Variants in DHRSX observed in about 807,000 individuals in gnomAD.
DHRSX encodes polyprenol dehydrogenase.
A neutral mutation model predicts 34.0 loss-of-function variants in DHRSX; 31 were observed. The observed-to-expected ratio is 0.91, with a 90% CI of 0.69 to 1.23. The LOEUF (loss-of-function observed/expected upper bound fraction) is 1.23. DHRSX is among the 50% of genes most tolerant of loss of function. The pLI, the probability that DHRSX is intolerant of heterozygous loss-of-function variation, is 0.00. For synonymous variants in DHRSX, 201 were observed against 183.8 expected, an observed-to-expected ratio of 1.09 and a Z score of -0.76; for missense variants, 414 against 428.1, an observed-to-expected ratio of 0.97 and a Z score of 0.29.
At chrX:2,380,934 G>A (rs924461312) in intron 3 of DHRSX, among the ~76,000 whole-genome samples, 11 of 151,882 alleles carry the variant, frequency 7.2e-5, no homozygotes, top group East Asian at 1.9e-4. Context: ...GTGTGATCTC[G>A]GCTCACTGCA....
intron 3 of DHRSX, among the ~76,000 whole-genome samples, chrX:2,385,110 ATGTG>A (rs934167358): frequency 1.2e-3 from 172 of 146,608 alleles, no homozygotes; most frequent in African/African-American, 3.3e-3. Flanking sequence ...TCAAATATAT[ATGTG>A]TGTGTGTGTG....
chrX:2,282,857 G>GA (rs2124480828), intron 4 of DHRSX, among the ~76,000 whole-genome samples: 1 of 132,580 alleles, frequency 7.5e-6, no homozygotes, highest in Non-Finnish European at 1.6e-5. Context: ...AGAGAAGGGA[G>GA]AAGGGGAGAG....
At chrX:2,262,729 G>A (rs1431694574) in intron 5 of DHRSX, among the ~76,000 whole-genome samples, 1 of 152,196 alleles carries the variant, frequency 6.6e-6, no homozygotes, top group Non-Finnish European at 1.5e-5. Flanking sequence ...CAGCTGCCCG[G>A]AGAAGATGAA....
At chrX:2,500,745 C>T in intron 1 of DHRSX, 72 bp downstream of exon 1, 2 of 707,950 alleles carry the variant, frequency 2.8e-6, no homozygotes, top group Non-Finnish European at 3.5e-6. Context: ...GGAGCCCCCG[C>T]GCCCCCGCCC....
chrX:2,395,482 A>G (rs182150952), intron 3 of DHRSX, among the ~76,000 whole-genome samples: 27 of 152,170 alleles, frequency 1.8e-4, no homozygotes, highest in Non-Finnish European at 3.5e-4. Context: ...TTTTTCCCAT[A>G]GAGAGGCCGC....
intron 1 of DHRSX, among the ~76,000 whole-genome samples, chrX:2,443,712 A>T (rs916726495): frequency 6.6e-6 from 1 of 152,198 alleles, no homozygotes; most frequent in Admixed American, 6.5e-5. Flanking sequence ...GATGGTAAAA[A>T]AAAGAGCCAA....
rs1383691534 is a variant in DHRSX, at chrX:2,500,832, C to A, written c.94G>T (p.Gly32Cys). 1 of 1,141,632 alleles carries A rather than the reference C, an allele frequency of 8.8e-7. No homozygotes were observed. Among genetic ancestry groups the A allele is most frequent in the Non-Finnish European group, 1.1e-6 (1 of 927,844 alleles). 70.7% of individuals were successfully genotyped at this position (1,141,632 alleles called of 1,614,324 possible). The change falls in exon 1 of 7, where the codon GGC (glycine) becomes TGC (cysteine). Residue 32 changes from glycine to cysteine, a missense_variant. Transcript: ENST00000334651. ...CCCCGCTGACCTGGCTCCAGGAAGC[C>A]CCCGCGGCAGCGCCGCAGCAGCTGC... ...LAQLLRRCRG[G>C]FLEPVFPPRP...
chrX:2,295,671 G>A (rs1393906124), intron 3 of DHRSX, among the ~76,000 whole-genome samples: 2 of 152,098 alleles, frequency 1.3e-5, no homozygotes, highest in Non-Finnish European at 2.9e-5. Flanking sequence ...ATATTACCAG[G>A]CTGTTAGGAC....
intron 1 of DHRSX, among the ~76,000 whole-genome samples, chrX:2,463,623 T>C (rs994120654): frequency 2.0e-5 from 3 of 151,938 alleles, no homozygotes; most frequent in African/African-American, 4.8e-5. Flanking sequence ...ATCAAGCGTG[T>C]AGGGGAAGAA....
intron 3 of DHRSX, among the ~76,000 whole-genome samples, chrX:2,375,464 T>G (rs2043130019): frequency 7.2e-6 from 1 of 138,300 alleles, no homozygotes; most frequent in South Asian, 2.3e-4. Flanking sequence ...TATATTTAGC[T>G]GGGCACACGC....
chrX:2,221,644 G>C (rs894913850), intron 6 of DHRSX, among the ~76,000 whole-genome samples: 10 of 152,098 alleles, frequency 6.6e-5, no homozygotes, highest in Non-Finnish European at 1.5e-4. Context: ...ACATCAAAAA[G>C]ATTCTTGTTT....
At chrX:2,490,602 G>A (rs762336805) in intron 1 of DHRSX, 5 of 1,614,008 alleles carry the variant, frequency 3.1e-6, no homozygotes, top group East Asian at 4.5e-5. Flanking sequence ...TTCCACTGCA[G>A]GATGCATCCC....
intron 1 of DHRSX, among the ~76,000 whole-genome samples, chrX:2,482,193 G>T (rs1044432112): frequency 1.0e-4 from 15 of 150,598 alleles, no homozygotes; most frequent in African/African-American, 3.7e-4. Context: ...GCAGTGGTGC[G>T]ATCACATTTC....
intron 3 of DHRSX, among the ~76,000 whole-genome samples, chrX:2,317,562 T>G (rs907113259): frequency 1.3e-5 from 2 of 151,892 alleles, no homozygotes; most frequent in Non-Finnish European, 2.9e-5. Flanking sequence ...CTGTGCTTTT[T>G]CCAAGGATGG....
intron 1 of DHRSX, among the ~76,000 whole-genome samples, chrX:2,467,801 C>T (rs1483491093): frequency 6.6e-6 from 1 of 151,902 alleles, no homozygotes; most frequent in Admixed American, 6.6e-5. Flanking sequence ...ATGGAGAAAC[C>T]TCATCTCTAC....
chrX:2,300,841 C>T (rs1300276289), intron 3 of DHRSX, among the ~76,000 whole-genome samples: 5 of 152,162 alleles, frequency 3.3e-5, no homozygotes, highest in African/African-American at 1.2e-4. Flanking sequence ...GCATCCCTCA[C>T]CCCCTATATC....
At chrX:2,477,916 G>C (rs1331746215) in intron 1 of DHRSX, among the ~76,000 whole-genome samples, 2 of 151,610 alleles carry the variant, frequency 1.3e-5, no homozygotes, top group Non-Finnish European at 2.9e-5. Flanking sequence ...TTCCACCCCG[G>C]GCCCGGGAAA....
chrX:2,330,324 C>A (rs1441761940), intron 3 of DHRSX, among the ~76,000 whole-genome samples: 1 of 151,534 alleles, frequency 6.6e-6, no homozygotes, highest in Non-Finnish European at 1.5e-5. Flanking sequence ...AGACTGAGAT[C>A]ATCCTGGCCA....
chrX:2,446,062 G>A (rs2044129613), intron 1 of DHRSX, among the ~76,000 whole-genome samples: 4 of 151,146 alleles, frequency 2.6e-5, no homozygotes, highest in Admixed American at 6.6e-5. Flanking sequence ...CTAAGGGACC[G>A]CCATCATGTA....
Sources: gnomAD v4.1 joint callset for allele counts (sites outside exome capture counted in the v4.1 genomes callset) on GRCh38, gnomAD v4.1.1 for gene constraint, MANE v1.5 for transcripts, NCBI Gene and HGNC (gene_info 2026-07-23, HGNC 2026-07-21) for gene names.